MGAT1: variants seen among roughly 807,000 people sequenced by gnomAD.
MGAT1 encodes N-glycosyl-oligosaccharide-glycoprotein N-acetylglucosaminyltransferase I.
In MGAT1, 14 loss-of-function variants were observed where a neutral mutation model predicts 31.7. The ratio of observed to expected loss-of-function variants is 0.44; its 90% CI spans 0.29 to 0.69. The LOEUF (loss-of-function observed/expected upper bound fraction) is 0.69. Among genes scored for constraint, MGAT1 ranks in the 30% least tolerant of loss-of-function variants. The pLI is 0.12. For missense variants in MGAT1, 557 were observed against 626.0 expected, an observed-to-expected ratio of 0.89 and a Z score of 1.18; for synonymous variants, 338 against 276.0, an observed-to-expected ratio of 1.22 and a Z score of -2.23.
At position 180,791,706 on chromosome 5, in the gene MGAT1, G is replaced by T; in HGVS notation, c.1266C>A (p.Phe422Leu). The T allele has an allele frequency of 6.2e-7, 1 of 1,613,986 alleles. No homozygotes were observed. Among genetic ancestry groups the T allele is most frequent in the Non-Finnish European group, 8.5e-7 (1 of 1,180,024 alleles). Residue 422 changes from phenylalanine (F) to leucine (L), a missense_variant, in exon 2 of 2, where the codon TTC becomes TTA. Transcript: ENST00000307826. Reference sequence around the variant, plus strand: ...GGTGGACACGGCGGCCCCGGAACTGGAAGGTGACAATACCCCGGTAGCCAG... The same window carrying T: ...GGTGGACACGGCGGCCCCGGAACTGTAAGGTGACAATACCCCGGTAGCCAG... ...PRAGYRGIVT[F>L]QFRGRRVHLA...
In MGAT1 at chr5:180,791,552, G is replaced by A. The variant is rs1387728603; in HGVS notation, c.*82C>T. 77 of 1,493,366 alleles carry A rather than the reference G, an allele frequency of 5.2e-5. 1 individual carries two copies. In the Middle Eastern group the frequency reaches 9.0e-4, roughly 17 times the overall value. The allele number at this position is 1,493,366 out of a possible 1,614,324, so 92.5% of individuals were successfully genotyped here. A position where few individuals can be genotyped will look rare whatever the true frequency, so the allele number is the denominator to read the frequency against. ...AAATGCACCTAAGAGGGAAACACAG[G>A]CAGGCCGATGCAGCCTGGGGACTGT... On this transcript the variant is annotated 3_prime_UTR_variant, in exon 2 of 2. Transcript: ENST00000307826.
chr5:180,802,579 T>C (rs1232682771), intron 1 of MGAT1, 101 bp downstream of exon 1: 1 of 152,304 alleles, frequency 6.6e-6, no homozygotes, highest in Non-Finnish European at 1.5e-5. Context: ...CTAGCACTCA[T>C]GGGCACCGGG....
At chr5:180,801,788 GC>G in intron 1 of MGAT1, among the ~76,000 whole-genome samples, 1 of 152,184 alleles carries the variant, frequency 6.6e-6, no homozygotes, top group Non-Finnish European at 1.5e-5. Context: ...TTTCCCTACT[GC>G]CCCGAACAGT....
At chr5:180,798,517 T>C (rs1769992449) in intron 1 of MGAT1, among the ~76,000 whole-genome samples, 1 of 152,204 alleles carries the variant, frequency 6.6e-6, no homozygotes, top group African/African-American at 2.4e-5. Flanking sequence ...AAGACAGGGA[T>C]TGGCTCCACC....
intron 1 of MGAT1, among the ~76,000 whole-genome samples, chr5:180,813,083 A>G (rs1581934594): frequency 6.7e-6 from 1 of 148,286 alleles, no homozygotes; most frequent in South Asian, 2.2e-4. Context: ...ATCTGTGTGC[A>G]CGTCATTTTT....
intron 1 of MGAT1, among the ~76,000 whole-genome samples, chr5:180,800,748 G>A (rs1449578811): frequency 6.6e-6 from 1 of 152,206 alleles, no homozygotes; most frequent in African/African-American, 2.4e-5. Flanking sequence ...GGTGGGAAGT[G>A]GACAATGTCA....
chr5:180,805,512 G>A (rs1321940123), upstream of MGAT1, among the ~76,000 whole-genome samples: 1 of 152,210 alleles, frequency 6.6e-6, no homozygotes, highest in Non-Finnish European at 1.5e-5. Context: ...AGCACTTTAG[G>A]AGACCAACGC....
At chr5:180,811,186 T>C (rs1483694830) in intron 1 of MGAT1, 1 of 152,196 alleles carries the variant, frequency 6.6e-6, no homozygotes, top group Non-Finnish European at 1.5e-5. Context: ...GCCCCCACGG[T>C]TCGAAAACCG....
At chr5:180,812,424 C>T (rs531649849) in intron 1 of MGAT1, among the ~76,000 whole-genome samples, 40 of 152,236 alleles carry the variant, frequency 2.6e-4, no homozygotes, top group African/African-American at 8.9e-4. Flanking sequence ...TTCGATTTTT[C>T]GTGCTTGTTA....
chr5:180,814,181 C>T (rs896114406), intron 1 of MGAT1, among the ~76,000 whole-genome samples: 4 of 152,174 alleles, frequency 2.6e-5, no homozygotes, highest in Non-Finnish European at 2.9e-5. Flanking sequence ...CTTACCCTGG[C>T]GAGTATTCTT....
At chr5:180,796,831 T>C (rs6898961) in intron 1 of MGAT1, among the ~76,000 whole-genome samples, 18,891 of 152,014 alleles carry the variant, frequency 0.12, 1,229 homozygotes, top group East Asian at 0.24. Context: ...AGGCTGGTGT[T>C]GAACTCCTGA....
Position 180,792,259 on chromosome 5 carries a change from A to G in MGAT1, c.713T>C (p.Val238Ala). 1.2e-6 allele frequency: 2 copies of G among 1,613,036 alleles called. No individual in the cohort carries two copies. The highest frequency in any genetic ancestry group is 4.5e-5 in the East Asian group (2 of 44,864). Residue 238 changes from valine (V) to alanine (A), a missense_variant, in exon 2 of 2, where the codon GTC becomes GCC. Coordinates refer to ENST00000307826, the MANE Select transcript of MGAT1 (RefSeq NM_002406.4). ...CTTGCCGTTGTCATTCCAGGCCGAGACGCACCACAGGGAGGGGTCGGCCTT... is the reference window on the plus strand; with the variant it reads ...CTTGCCGTTGTCATTCCAGGCCGAGGCGCACCACAGGGAGGGGTCGGCCTT... ...LLKADPSLWCVSAWNDNGKEQ... is the reference protein window; with the variant it reads ...LLKADPSLWCASAWNDNGKEQ...
intron 1 of MGAT1, among the ~76,000 whole-genome samples, chr5:180,799,232 C>T (rs4700985): frequency 0.2 from 30,117 of 152,108 alleles, 3,284 homozygotes; most frequent in South Asian, 0.36. Flanking sequence ...TGAAACATCC[C>T]TTTTCAACCT....
At chr5:180,802,930 G>A (rs1424427981), upstream of MGAT1, 1 of 140,056 alleles carries the variant, frequency 7.1e-6, no homozygotes, top group Non-Finnish European at 1.6e-5. Flanking sequence ...GCCGGCGTCC[G>A]CCAGGCCCCC....
chr5:180,810,586 C>G (rs536800172), intron 1 of MGAT1: 1 of 152,354 alleles, frequency 6.6e-6, no homozygotes, highest in Admixed American at 6.5e-5. Flanking sequence ...GGGGCGGAAC[C>G]TGTGCGGTGC....
intron 1 of MGAT1, among the ~76,000 whole-genome samples, chr5:180,801,006 C>T (rs1171917773): frequency 6.6e-6 from 1 of 152,238 alleles, no homozygotes; most frequent in Non-Finnish European, 1.5e-5. Context: ...GACATCTGCA[C>T]CATGGTGGGA....
chr5:180,811,953 C>A (rs1772605798), intron 1 of MGAT1, among the ~76,000 whole-genome samples: 1 of 152,216 alleles, frequency 6.6e-6, no homozygotes. Context: ...CCTCCCATGT[C>A]ACCTCAGTGA....
rs1466414078 is a variant in MGAT1 at position 180,792,741 on chromosome 5, A to T, written c.231T>A (p.Asp77Glu). The T allele has an allele frequency of 1.3e-6, 2 of 1,547,440 alleles. No individual in the cohort carries two copies. Among genetic ancestry groups the T allele is most frequent in the Non-Finnish European group, 1.7e-6 (2 of 1,147,048 alleles). Residue 77 changes from aspartate to glutamate, a missense_variant, in exon 2 of 2, where the codon GAT (aspartate) becomes GAA (glutamate). Asp to Glu is a conservative substitution (Grantham distance 45, BLOSUM62 2). Coordinates refer to ENST00000307826, the MANE Select transcript of MGAT1 (RefSeq NM_002406.4). The stretch of plus-strand genomic sequence containing the variant: ...CCCTCCCCCGCTGGCTCGACAGGGC[A>T]TCCCCGATCTGCTGCAGCAGCCCAC... ...RQRGLLQQIG[D>E]ALSSQRGRVP... is the part of the protein sequence containing the mutation.
intron 1 of MGAT1, among the ~76,000 whole-genome samples, chr5:180,814,698 T>C (rs1772759867): frequency 6.6e-6 from 1 of 152,036 alleles, no homozygotes; most frequent in Non-Finnish European, 1.5e-5. Flanking sequence ...TCTCAGCACT[T>C]TGGGAGGCTG....
Sources: gnomAD v4.1 joint callset for allele counts (sites outside exome capture counted in the v4.1 genomes callset) on GRCh38, gnomAD v4.1.1 for gene constraint, MANE v1.5 for transcripts, NCBI Gene and HGNC (gene_info 2026-07-23, HGNC 2026-07-21) for gene names.